TAF1: variants seen among roughly 807,000 people sequenced by gnomAD.
TAF1 encodes TATA-box binding protein associated factor 1, also known as transcription initiation factor TFIID subunit 1.
TAF1 carries 2 observed loss-of-function variants against 138.5 expected under a neutral mutation model. The ratio of observed to expected loss-of-function variants is 0.01; its 90% confidence interval spans 0.01 to 0.05. TAF1 has a LOEUF of 0.05. TAF1 is among the 10% of genes least tolerant of loss of function. TAF1 has a pLI of 1.00. For synonymous variants in TAF1, 437 were observed against 503.2 expected (o/e 0.87, Z 1.76); for missense variants, 709 against 1,478.0 (o/e 0.48, Z 8.53).
At position 71,454,779 on chromosome X, in the gene TAF1, T is replaced by C; in HGVS notation, c.4860T>C (p.Cys1620=). Residue 1620 remains cysteine, a synonymous_variant, in exon 34 of 38, where the codon TGT becomes TGC. Coordinates refer to ENST00000423759, the MANE Select transcript of TAF1 (RefSeq NM_004606.5). ...EHLTQLEKDI[C]TAKEAALEEA... ...TGACTCAACTTGAGAAGGATATTTG[T>C]ACTGCTAAAGAAGCAGCTTTGGAGG... 3.3e-6 allele frequency: 4 copies of C among 1,211,393 alleles called. No individual in the cohort carries two copies. The highest frequency in any genetic ancestry group is 4.5e-6 in the Non-Finnish European group (4 of 895,439).
rs1230567354 is a variant in TAF1, at chrX:71,461,612, C to T, written c.5399+809C>T. 2.7e-5 allele frequency among the ~76,000 whole-genome samples: 3 copies of T among 111,559 alleles called. No individual in the cohort carries two copies. The Admixed American group carries it at 2.9e-4, about 11-fold the overall frequency. On this transcript the variant is annotated intron_variant, in intron 37 of 37. Transcript: ENST00000423759. ...GAGGAAAAAATGGATTTGGATTTGG[C>T]TTTGGACAAGTTAAATTTAATGTAT...
chrX:71,515,706 T>G (rs950908082), intron 13 of TAF1, among the ~76,000 whole-genome samples: 6 of 111,606 alleles, frequency 5.4e-5, no homozygotes, highest in African/African-American at 2.0e-4. Flanking sequence ...GGTTACTCAT[T>G]GCTGTTTGTA....
chrX:71,475,595 A>G (rs1053774469), intron 13 of TAF1, among the ~76,000 whole-genome samples: 55 of 108,883 alleles, frequency 5.1e-4, no homozygotes, highest in Non-Finnish European at 8.9e-4. Context: ...AAAAAAAAAA[A>G]AAAAAGAAAA....
At chrX:71,412,122 GTTTTTTTTTT>G (rs749385611) in intron 28 of TAF1, among the ~76,000 whole-genome samples, 1 of 89,241 alleles carries the variant, frequency 1.1e-5, no homozygotes, top group Non-Finnish European at 2.2e-5. Flanking sequence ...TTCATTCCTG[GTTTTTTTTTT>G]TTTTTTTTTT....
chrX:71,384,028 C>A lies in TAF1; in HGVS notation c.2014C>A (p.Leu672Ile). ...GTTTTTTATGCGCACACCTCAGGAC[C>A]TCACAGGCAAAGATGGTGATCTTAT... ...EMFFMRTPQD[L>I]TGKDGDLILA... The change falls in exon 13 of 38, where the codon CTC becomes ATC. Residue 672 changes from leucine to isoleucine, a missense_variant. By Grantham distance (5) the Leu-to-Ile change is conservative. Around this residue, in one of 14 missense-constraint regions of TAF1, gnomAD observed 201 missense variants for 421.3 expected, o/e 0.48. Coordinates refer to ENST00000423759, the MANE Select transcript of TAF1 (RefSeq NM_004606.5). 8.3e-7 allele frequency: 1 copy of A among 1,211,165 alleles called. No individual in the cohort carries two copies.
chrX:71,387,240 TTG>T lies in TAF1; in HGVS notation c.2227-17_2227-16del. 1.7e-6 allele frequency: 2 copies of T among 1,209,659 alleles called. No homozygotes were observed. Among genetic ancestry groups the T allele is most frequent in the Non-Finnish European group, 2.2e-6 (2 of 893,437 alleles). On this transcript the variant is annotated intron_variant, in intron 14 of 37. Coordinates refer to ENST00000423759, the MANE Select transcript of TAF1 (RefSeq NM_004606.5). ...CCTAGGGCTACTCTGTATATAATTT[TTG>T]TGTTTTTACTTTTGTTAGGCATTTG... is the stretch of plus-strand genomic sequence containing the variant.
At chrX:71,370,847 A>G (rs1421948951) in intron 3 of TAF1, among the ~76,000 whole-genome samples, 1 of 112,251 alleles carries the variant, frequency 8.9e-6, no homozygotes, top group Non-Finnish European at 1.9e-5. Context: ...TAACCCACGA[A>G]AAATAGAAGA....
chrX:71,407,609 C>T lies in TAF1; in HGVS notation c.4143C>T (p.Asp1381=). ...AGTCCATCCACCGGCGCCGCACAGACCCTATGGTGACGCTGTCGTCCATCT... is the reference window on the plus strand; with the variant it reads ...AGTCCATCCACCGGCGCCGCACAGATCCTATGGTGACGCTGTCGTCCATCT... The part of the protein sequence containing the change: ...PHKSIHRRRT[D]PMVTLSSILE... The change falls in exon 27 of 38, where the codon GAC becomes GAT. Residue 1381 remains aspartate (D), a synonymous_variant. Transcript: ENST00000423759. The T allele has an allele frequency of 1.7e-6, 2 of 1,211,647 alleles. No homozygotes were observed. Among genetic ancestry groups the T allele is most frequent in the Non-Finnish European group, 2.2e-6 (2 of 895,425 alleles).
intron 13 of TAF1, among the ~76,000 whole-genome samples, chrX:71,520,410 C>T (rs1026129943): frequency 1.8e-5 from 2 of 110,258 alleles, no homozygotes; most frequent in Middle Eastern, 4.6e-3. Context: ...TGGCCGGGCA[C>T]GGTGGCTCAC....
At chrX:71,437,823 T>C (rs1284281526) in intron 32 of TAF1, among the ~76,000 whole-genome samples, 1 of 108,188 alleles carries the variant, frequency 9.2e-6, no homozygotes, top group Non-Finnish European at 1.9e-5. Flanking sequence ...TATAAAAATT[T>C]GTCATTTTAA....
chrX:71,402,597 T>C (rs2035238960), intron 25 of TAF1, among the ~76,000 whole-genome samples: 1 of 112,255 alleles, frequency 8.9e-6, no homozygotes, highest in Non-Finnish European at 1.9e-5. Context: ...AAACTGTGCT[T>C]ATACTTGTGT....
At chrX:71,471,330 AAAAT>A (rs1362470111) in intron 13 of TAF1, among the ~76,000 whole-genome samples, 1 of 103,267 alleles carries the variant, frequency 9.7e-6, no homozygotes, top group African/African-American at 3.7e-5. Flanking sequence ...AAAAAAAAAA[AAAAT>A]ATATATATAT....
chrX:71,473,318 CAG>C (rs753875846), intron 13 of TAF1, among the ~76,000 whole-genome samples: 18 of 110,076 alleles, frequency 1.6e-4, no homozygotes, highest in Admixed American at 4.9e-4. Context: ...GAATGGATAA[CAG>C]GGGGTTGGCA....
intron 32 of TAF1, among the ~76,000 whole-genome samples, chrX:71,427,880 G>A (rs2036671054): frequency 9.7e-6 from 1 of 102,586 alleles, no homozygotes. Flanking sequence ...TAGAGGTTGC[G>A]GTGAGCCGAG....
At chrX:71,471,083 C>T (rs963750220) in intron 13 of TAF1, among the ~76,000 whole-genome samples, 13 of 107,880 alleles carry the variant, frequency 1.2e-4, no homozygotes, top group African/African-American at 4.0e-4. Context: ...TTTGGGAGGC[C>T]GAGGCGGGAG....
chrX:71,388,093 C>T (rs2034348336), intron 15 of TAF1, 144 bp from the exon 16 acceptor site: 1 of 871,441 alleles, frequency 1.1e-6, no homozygotes, highest in African/African-American at 2.1e-5. Context: ...GAGCGAGACT[C>T]CGTCTCAGAA....
intron 13 of TAF1, among the ~76,000 whole-genome samples, chrX:71,476,980 C>T (rs1274372580): frequency 2.7e-5 from 3 of 109,429 alleles, no homozygotes; most frequent in Non-Finnish European, 3.8e-5. Flanking sequence ...GCTCTGTTGC[C>T]CAAGCTGGAG....
At chrX:71,418,761 ATTTTTTTTTT>A (rs1259701142) in intron 28 of TAF1, among the ~76,000 whole-genome samples, 1 of 70,673 alleles carries the variant, frequency 1.4e-5, no homozygotes, top group Non-Finnish European at 2.6e-5. Context: ...CAGTATGGAG[ATTTTTTTTTT>A]TTTTTTTTTT....
At chrX:71,511,592 C>T (rs1191666355) in intron 13 of TAF1, among the ~76,000 whole-genome samples, 1 of 112,745 alleles carries the variant, frequency 8.9e-6, no homozygotes, top group Non-Finnish European at 1.9e-5. Flanking sequence ...TTATTCATTC[C>T]TTTATGGGGT....
Sources: gnomAD v4.1 joint callset for allele counts (sites outside exome capture counted in the v4.1 genomes callset) on GRCh38, gnomAD v4.1.1 for gene constraint, gnomAD v4.1.1 regional missense constraint, MANE v1.5 for transcripts, NCBI Gene and HGNC (gene_info 2026-07-23, HGNC 2026-07-21) for gene names.